The following GRID2 variants were observed in gnomAD, a reference collection of about 807,000 sequenced individuals.
GRID2 encodes the protein glutamate ionotropic receptor delta type subunit 2.
Under a neutral mutation model 114.8 loss-of-function variants are expected in GRID2, and 33 were observed. The observed-to-expected ratio is 0.29, with a 90% CI of 0.22 to 0.38. GRID2 has a LOEUF of 0.38. Ranked by LOEUF, GRID2 falls within the 10% of genes least tolerant of loss-of-function variation. The pLI is 1.00. For missense variants in GRID2, 1,184 were observed against 1,257.7 expected (o/e 0.94, Z 0.89); for synonymous variants, 505 against 449.9 (o/e 1.12, Z -1.55).
Position 93,001,128 on chromosome 4 carries a change from G to A in GRID2, c.245-83867G>A, listed in dbSNP as rs1720934447. Among the ~76,000 whole-genome samples the A allele has an allele frequency of 2.0e-5, 3 of 151,578 alleles. No homozygotes were observed. The South Asian group carries it at 6.2e-4, about 31-fold the overall frequency. On this transcript the variant is annotated intron_variant, in intron 2 of 15. Coordinates refer to ENST00000282020, the MANE Select transcript of GRID2 (RefSeq NM_001510.4). ...AATAATGTTATGTCAGCAAATACATGTTTAATATTACACAATGATTACAAT... is the reference window on the plus strand; with the variant it reads ...AATAATGTTATGTCAGCAAATACATATTTAATATTACACAATGATTACAAT...
intron 2 of GRID2, among the ~76,000 whole-genome samples, chr4:92,670,959 C>A (rs547638021): frequency 2.6e-5 from 4 of 152,174 alleles, no homozygotes; most frequent in African/African-American, 9.6e-5. Flanking sequence ...ATTTGTGACA[C>A]TGATGTTTGG....
intron 1 of GRID2, among the ~76,000 whole-genome samples, chr4:92,314,825 A>G (rs1353757162): frequency 6.6e-6 from 1 of 152,152 alleles, no homozygotes; most frequent in Non-Finnish European, 1.5e-5. Context: ...AGTCCCAAGC[A>G]TTTCAGGTAA....
chr4:93,076,596 A>G (rs1199877435), intron 2 of GRID2, among the ~76,000 whole-genome samples: 1 of 149,348 alleles, frequency 6.7e-6, no homozygotes, highest in East Asian at 2.0e-4. Context: ...ACCTTCTTCA[A>G]AATTCACCAA....
intron 1 of GRID2, among the ~76,000 whole-genome samples, chr4:92,341,827 A>G (rs1447562580): frequency 1.3e-5 from 2 of 151,554 alleles, no homozygotes; most frequent in Non-Finnish European, 2.9e-5. Flanking sequence ...AGGCGGGAGA[A>G]TGGCATGAAC....
intron 14 of GRID2, among the ~76,000 whole-genome samples, chr4:93,710,970 C>G (rs1267349746): frequency 6.6e-6 from 1 of 151,818 alleles, no homozygotes; most frequent in South Asian, 2.1e-4. Context: ...TGAATCTCCC[C>G]CTTCAGAGAA....
chr4:92,772,548 T>G (rs901496555), intron 2 of GRID2, among the ~76,000 whole-genome samples: 1 of 152,174 alleles, frequency 6.6e-6, no homozygotes, highest in African/African-American at 2.4e-5. Flanking sequence ...AACGAGCATA[T>G]CTAATTTATT....
At chr4:93,163,736 C>A (rs1232255822) in intron 4 of GRID2, among the ~76,000 whole-genome samples, 1 of 151,768 alleles carries the variant, frequency 6.6e-6, no homozygotes, top group Middle Eastern at 3.2e-3. Flanking sequence ...GGAACAATGT[C>A]ATGTAACATT....
chr4:93,305,939 C>T (rs1414456108), intron 8 of GRID2, among the ~76,000 whole-genome samples: 4 of 152,146 alleles, frequency 2.6e-5, no homozygotes, highest in South Asian at 2.1e-4. Flanking sequence ...CAAATCCTCA[C>T]GCTTCCCCAT....
intron 2 of GRID2, among the ~76,000 whole-genome samples, chr4:92,971,023 A>T (rs1753479102): frequency 6.6e-6 from 1 of 151,876 alleles, no homozygotes; most frequent in Non-Finnish European, 1.5e-5. Context: ...TTAAAAAAAA[A>T]AATTTGTACA....
chr4:92,490,483 A>C (rs1723098751), intron 1 of GRID2, among the ~76,000 whole-genome samples: 1 of 152,182 alleles, frequency 6.6e-6, no homozygotes, highest in African/African-American at 2.4e-5. Context: ...CAAATGCTTT[A>C]TTGAAGTGAA....
chr4:92,457,716 T>C (rs140245033), intron 1 of GRID2, among the ~76,000 whole-genome samples: 4 of 105,212 alleles, frequency 3.8e-5, no homozygotes, highest in African/African-American at 2.2e-4. Flanking sequence ...AGCTGAGACC[T>C]TTTTTTTAAA....
chr4:93,193,459 G>A (rs1316459042), intron 4 of GRID2, among the ~76,000 whole-genome samples: 3 of 151,968 alleles, frequency 2.0e-5, no homozygotes, highest in African/African-American at 7.3e-5. Context: ...GTTTTATAGG[G>A]GCTTTTGCCC....
At chr4:93,425,740 T>C (rs1021254146) in intron 10 of GRID2, among the ~76,000 whole-genome samples, 19 of 152,110 alleles carry the variant, frequency 1.2e-4, no homozygotes, top group African/African-American at 4.3e-4. Flanking sequence ...TCAAACTCCA[T>C]CCTCTGACAA....
intron 1 of GRID2, among the ~76,000 whole-genome samples, chr4:92,533,986 T>C (rs538798423): frequency 3.1e-4 from 47 of 152,172 alleles, no homozygotes; most frequent in African/African-American, 9.4e-4. Flanking sequence ...TAAATTGATA[T>C]ATATTTAGAA....
intron 14 of GRID2, among the ~76,000 whole-genome samples, chr4:93,750,657 G>A (rs113264702): frequency 6.6e-6 from 1 of 152,108 alleles, no homozygotes. Context: ...TCGGGAGGCT[G>A]AGGCAGGAGA....
intron 1 of GRID2, among the ~76,000 whole-genome samples, chr4:92,380,484 A>C (rs762298776): frequency 5.3e-5 from 8 of 150,790 alleles, no homozygotes; most frequent in Admixed American, 4.6e-4. Context: ...TCCTCCCCCA[A>C]CTCCACCTCT....
chr4:93,652,741 C>T (rs1322074530), intron 14 of GRID2, among the ~76,000 whole-genome samples: 3 of 116,664 alleles, frequency 2.6e-5, no homozygotes, highest in Non-Finnish European at 5.0e-5. Context: ...GCAGCCCTGG[C>T]AAATTAATAC....
chr4:93,160,565 G>C (rs550758440), intron 4 of GRID2, among the ~76,000 whole-genome samples: 4 of 151,760 alleles, frequency 2.6e-5, no homozygotes, highest in African/African-American at 9.7e-5. Flanking sequence ...TTTTGGCAAG[G>C]TTCCTTTCCC....
chr4:93,352,795 G>C (rs897641618), intron 8 of GRID2, among the ~76,000 whole-genome samples: 1 of 151,894 alleles, frequency 6.6e-6, no homozygotes, highest in African/African-American at 2.4e-5. Context: ...TGTAGTTGTA[G>C]TTGTTGTTGT....
Sources: allele counts gnomAD v4.1 joint callset (sites outside exome capture counted in the v4.1 genomes callset), GRCh38; gene constraint gnomAD v4.1.1; transcripts MANE v1.5; gene names NCBI Gene and HGNC (gene_info 2026-07-23, HGNC 2026-07-21).